Variants in GPC5 observed in about 807,000 individuals in gnomAD.
GPC5 encodes glypican 5.
A neutral mutation model predicts 53.9 loss-of-function variants in GPC5; 47 were observed. That is an observed-to-expected ratio of 0.87 (90% CI 0.69 to 1.11). The LOEUF is 1.11. Ranked by LOEUF, GPC5 falls within the 50% of genes most tolerant of loss-of-function variation. The pLI is 0.00. For synonymous variants in GPC5, 286 were observed against 263.3 expected (o/e 1.09, Z -0.84); for missense variants, 748 against 713.1 (o/e 1.05, Z -0.56).
intron 7 of GPC5, among the ~76,000 whole-genome samples, chr13:92,335,073 G>T (rs1238238896): frequency 6.6e-6 from 1 of 151,880 alleles, no homozygotes; most frequent in African/African-American, 2.4e-5. Context: ...TCTGTGGGTT[G>T]GGGGGGACTC....
chr13:92,699,059 C>T (rs941896332), intron 7 of GPC5, among the ~76,000 whole-genome samples: 1 of 151,114 alleles, frequency 6.6e-6, no homozygotes, highest in Non-Finnish European at 1.5e-5. Context: ...TGGTCCTAGA[C>T]TTTTTTTTTG....
At chr13:92,678,026 A>G (rs1887003710) in intron 7 of GPC5, among the ~76,000 whole-genome samples, 3 of 152,238 alleles carry the variant, frequency 2.0e-5, no homozygotes, top group Admixed American at 2.0e-4. Context: ...TAATTATAGT[A>G]TAATTTACCA....
intron 6 of GPC5, among the ~76,000 whole-genome samples, chr13:91,924,239 TAA>T (rs1216888254): frequency 4.6e-5 from 7 of 152,324 alleles, no homozygotes; most frequent in African/African-American, 1.7e-4. Flanking sequence ...AATTCTGATT[TAA>T]GTTACTGTAT....
intron 6 of GPC5, among the ~76,000 whole-genome samples, chr13:92,064,137 C>T (rs980120329): frequency 6.6e-6 from 1 of 152,096 alleles, no homozygotes; most frequent in Non-Finnish European, 1.5e-5. Context: ...TTTTACAAAA[C>T]TACTTCAGCA....
intron 7 of GPC5, among the ~76,000 whole-genome samples, chr13:92,674,493 A>G (rs1379565096): frequency 6.6e-6 from 1 of 151,984 alleles, no homozygotes; most frequent in African/African-American, 2.4e-5. Context: ...TCCTGTTTCC[A>G]TGTGGCAGGG....
At position 92,763,459 on chromosome 13, in the gene GPC5, A is replaced by G. The variant is rs568050115; in HGVS notation, c.1562-102823A>G. 2.6e-5 allele frequency among the ~76,000 whole-genome samples: 4 copies of G among 152,188 alleles called. No individual in the cohort carries two copies. In the East Asian group the frequency reaches 7.8e-4, roughly 29 times the overall value. ...GTAGGTTGTTGGGGTGCTTAGTGAC[A>G]AGGGCTTTGGCAGTTCTCCTTTTCT... On this transcript the variant is annotated intron_variant, in intron 7 of 7. Coordinates refer to ENST00000377067, the MANE Select transcript of GPC5 (RefSeq NM_004466.6).
chr13:92,039,841 A>G (rs2040928029), intron 6 of GPC5, among the ~76,000 whole-genome samples: 2 of 152,142 alleles, frequency 1.3e-5, no homozygotes, highest in Admixed American at 1.3e-4. Flanking sequence ...ACCCATATGA[A>G]TTCGTTTTAC....
At chr13:91,804,991 A>G (rs747258398) in intron 5 of GPC5, among the ~76,000 whole-genome samples, 5 of 152,218 alleles carry the variant, frequency 3.3e-5, no homozygotes, top group Admixed American at 1.3e-4. Flanking sequence ...GTTCTGGTTC[A>G]TTGTGAACTG....
chr13:92,726,883 T>C (rs973506100), intron 7 of GPC5, among the ~76,000 whole-genome samples: 1 of 151,564 alleles, frequency 6.6e-6, no homozygotes, highest in Non-Finnish European at 1.5e-5. Context: ...CAAATATTTT[T>C]GTTTATGGAG....
chr13:92,517,747 G>A (rs1435703876), intron 7 of GPC5, among the ~76,000 whole-genome samples: 1 of 152,152 alleles, frequency 6.6e-6, no homozygotes, highest in Non-Finnish European at 1.5e-5. Context: ...AAGCAGAAAA[G>A]CTGAAAATTC....
intron 7 of GPC5, among the ~76,000 whole-genome samples, chr13:92,187,311 A>T (rs1386321251): frequency 6.6e-6 from 1 of 152,192 alleles, no homozygotes; most frequent in Admixed American, 6.5e-5. Flanking sequence ...AAAACAAATT[A>T]TTCATTTGCT....
At chr13:92,158,526 A>C (rs1410503641) in intron 7 of GPC5, among the ~76,000 whole-genome samples, 1 of 151,642 alleles carries the variant, frequency 6.6e-6, no homozygotes. Flanking sequence ...TTCTTCTGAC[A>C]ACACTATGAC....
intron 7 of GPC5, among the ~76,000 whole-genome samples, chr13:92,345,733 G>A (rs1301977759): frequency 6.6e-6 from 1 of 152,078 alleles, no homozygotes; most frequent in African/African-American, 2.4e-5. Context: ...GAAAACTGGA[G>A]GCATCCAATC....
intron 7 of GPC5, among the ~76,000 whole-genome samples, chr13:92,409,471 A>G (rs1042145186): frequency 9.9e-5 from 15 of 152,086 alleles, no homozygotes; most frequent in African/African-American, 3.4e-4. Flanking sequence ...CCACACTAAT[A>G]TTTAAATAAC....
chr13:92,579,834 T>C (rs1566303122), intron 7 of GPC5, among the ~76,000 whole-genome samples: 1 of 150,890 alleles, frequency 6.6e-6, no homozygotes, highest in African/African-American at 2.4e-5. Flanking sequence ...CCTATAAGGT[T>C]TCTCTCTCTC....
chr13:91,466,817 T>C (rs187339693), intron 2 of GPC5, among the ~76,000 whole-genome samples: 42 of 152,282 alleles, frequency 2.8e-4, no homozygotes, highest in African/African-American at 9.4e-4. Context: ...ATTTTCCTTC[T>C]ATCTTAGTTT....
chr13:92,156,007 A>T (rs1182568667), intron 7 of GPC5, among the ~76,000 whole-genome samples: 3 of 152,160 alleles, frequency 2.0e-5, no homozygotes, highest in Non-Finnish European at 4.4e-5. Context: ...ATGTTAATAT[A>T]AATTCCCTTC....
At chr13:91,630,189 T>C (rs759046604) in intron 2 of GPC5, among the ~76,000 whole-genome samples, 6 of 152,206 alleles carry the variant, frequency 3.9e-5, no homozygotes, top group Non-Finnish European at 7.3e-5. Context: ...TCAAATAATA[T>C]TATTAGAACT....
intron 7 of GPC5, among the ~76,000 whole-genome samples, chr13:92,809,141 G>A (rs1877204583): frequency 6.6e-6 from 1 of 151,988 alleles, no homozygotes; most frequent in African/African-American, 2.4e-5. Flanking sequence ...TCAGAAGAAT[G>A]GACAGTTACT....
Sources: gnomAD v4.1 joint callset for allele counts (sites outside exome capture counted in the v4.1 genomes callset) on GRCh38, gnomAD v4.1.1 for gene constraint, MANE v1.5 for transcripts, NCBI Gene and HGNC (gene_info 2026-07-23, HGNC 2026-07-21) for gene names.